PCNT: variants seen among roughly 807,000 people sequenced by gnomAD.
PCNT encodes the protein pericentrin, also known as kendrin.
A neutral mutation model predicts 380.4 loss-of-function variants in PCNT; 319 were observed. The observed-to-expected ratio is 0.84, with a 90% CI of 0.77 to 0.92. The LOEUF is 0.92. Ranked by LOEUF, PCNT falls within the 40% of genes least tolerant of loss-of-function variation. The probability of loss-of-function intolerance (pLI) is 0.00; values close to 1 mark genes in which losing one functional copy is unlikely to be tolerated. For synonymous variants in PCNT, 1,845 were observed against 1,735.2 expected (o/e 1.06, Z -1.57); for missense variants, 4,400 against 4,255.3 (o/e 1.03, Z -0.95).
chr21:46,377,929 C>T (rs1465166281), intron 15 of PCNT, among the ~76,000 whole-genome samples: 1 of 151,904 alleles, frequency 6.6e-6, no homozygotes, highest in Admixed American at 6.6e-5. Context: ...GTGCCGTCTG[C>T]TTGCCGTACC....
intron 33 of PCNT, among the ~76,000 whole-genome samples, chr21:46,426,870 G>A (rs951071564): frequency 6.6e-6 from 1 of 152,194 alleles, no homozygotes; most frequent in African/African-American, 2.4e-5. Context: ...TGGGATCAAA[G>A]CTTTGTGAGG....
intron 13 of PCNT, among the ~76,000 whole-genome samples, chr21:46,357,777 C>T (rs966332238): frequency 3.3e-5 from 5 of 152,206 alleles, no homozygotes; most frequent in Non-Finnish European, 7.4e-5. Flanking sequence ...CCTAAGAGGG[C>T]TCTGGGAGGA....
intron 13 of PCNT, among the ~76,000 whole-genome samples, chr21:46,360,189 T>G (rs1364415266): frequency 6.6e-6 from 1 of 150,526 alleles, no homozygotes; most frequent in African/African-American, 2.4e-5. Flanking sequence ...AAGTGCATTT[T>G]ATGTGGACAG....
intron 16 of PCNT, among the ~76,000 whole-genome samples, chr21:46,382,428 GTGT>G (rs1387338483): frequency 5.5e-5 from 8 of 145,130 alleles, no homozygotes; most frequent in African/African-American, 1.8e-4. Context: ...CGCATTCACG[GTGT>G]TGTATATTCA....
intron 3 of PCNT, among the ~76,000 whole-genome samples, chr21:46,345,569 CCTT>C (rs772463510): frequency 2.6e-5 from 4 of 152,064 alleles, no homozygotes; most frequent in South Asian, 2.1e-4. Flanking sequence ...TAATATTTTT[CCTT>C]CTTCTTTTTT....
At chr21:46,437,998 T>C (rs2053508701) in intron 40 of PCNT, among the ~76,000 whole-genome samples, 166 bp from the exon 41 acceptor site, 1 of 152,214 alleles carries the variant, frequency 6.6e-6, no homozygotes, top group African/African-American at 2.4e-5. Context: ...GCGTGCAAAG[T>C]CTGTGATTCA....
intron 15 of PCNT, among the ~76,000 whole-genome samples, chr21:46,376,959 G>A (rs2839234): frequency 0.12 from 18,520 of 152,148 alleles, 1,244 homozygotes; most frequent in South Asian, 0.21. Flanking sequence ...GTGTTGTGCC[G>A]TGCGAACCCG....
In PCNT at chr21:46,346,877, C is replaced by T; in HGVS notation, c.855C>T (p.Asn285=). 1 of 1,607,932 alleles carries T rather than the reference C, an allele frequency of 6.2e-7. No individual in the cohort carries two copies. Among genetic ancestry groups the T allele is most frequent in the Non-Finnish European group, 8.5e-7 (1 of 1,177,910 alleles). ...TGACGGAGCTGCGGGAGATGCTCAACAGCCGGCGTGCCCAGGAGCTGGCCC... is the reference window on the plus strand; with the variant it reads ...TGACGGAGCTGCGGGAGATGCTCAATAGCCGGCGTGCCCAGGAGCTGGCCC... ...TALTELREML[N]SRRAQELALL... is the part of the protein sequence containing the mutation. Residue 285 remains asparagine, a synonymous_variant, in exon 5 of 47, where the codon AAC becomes AAT. Transcript: ENST00000359568.
intron 15 of PCNT, among the ~76,000 whole-genome samples, chr21:46,370,907 C>T (rs905416033): frequency 1.3e-5 from 2 of 152,008 alleles, no homozygotes; most frequent in Non-Finnish European, 2.9e-5. Flanking sequence ...TGGTGGTGGG[C>T]GCCTGTAGTC....
intron 19 of PCNT, 33 bp from the exon 20 acceptor site, chr21:46,390,637 C>G: frequency 4.3e-6 from 7 of 1,610,926 alleles, no homozygotes; most frequent in Non-Finnish European, 5.9e-6. Context: ...TATTTTTGAT[C>G]TGGAGTTTTG....
At chr21:46,399,903 G>A in intron 25 of PCNT, 107 bp downstream of exon 25, 2 of 919,802 alleles carry the variant, frequency 2.2e-6, no homozygotes, top group Non-Finnish European at 3.6e-6. Flanking sequence ...TTCACTGGCA[G>A]CCACCACGTC....
intron 16 of PCNT, 142 bp downstream of exon 16, chr21:46,381,982 C>T (rs1186677167): frequency 1.6e-5 from 13 of 838,210 alleles, no homozygotes; most frequent in African/African-American, 5.2e-5. Flanking sequence ...GTGGCGGAAG[C>T]GCATTCACAG....
chr21:46,340,588 A>G (rs2083885367), intron 3 of PCNT, among the ~76,000 whole-genome samples: 1 of 152,160 alleles, frequency 6.6e-6, no homozygotes, highest in Non-Finnish European at 1.5e-5. Context: ...AGATATTTTC[A>G]AACTTATTTT....
rs1426784917 is a variant in PCNT at position 46,397,311 on chromosome 21, C to T, written c.4263C>T (p.Thr1421=). ...ATCTGACCAAAGAACAGTCGGAGACCAGGAAGCAGGCTGAGAAGGACCGCT... is the reference window on the plus strand; with the variant it reads ...ATCTGACCAAAGAACAGTCGGAGACTAGGAAGCAGGCTGAGAAGGACCGCT... ...VEDLTKEQSE[T]RKQAEKDRSA... The change falls in exon 22 of 47, where the codon ACC becomes ACT. Residue 1421 remains threonine, a synonymous_variant. Coordinates refer to ENST00000359568, the MANE Select transcript of PCNT (RefSeq NM_006031.6). 6 of 1,613,958 alleles carry T rather than the reference C, an allele frequency of 3.7e-6. No individual in the cohort carries two copies. In the African/African-American group the frequency reaches 5.3e-5, roughly 14 times the overall value.
intron 6 of PCNT, among the ~76,000 whole-genome samples, chr21:46,347,873 G>A (rs2084125225): frequency 6.6e-6 from 1 of 152,186 alleles, no homozygotes; most frequent in Non-Finnish European, 1.5e-5. Context: ...GGGGTGCCGG[G>A]GAGAATACCA....
intron 28 of PCNT, 34 bp from the exon 29 acceptor site, chr21:46,412,803 G>T: frequency 6.2e-7 from 1 of 1,606,134 alleles, no homozygotes; most frequent in Non-Finnish European, 8.5e-7. Context: ...ACAGCCTCCT[G>T]CATGCTCAGC....
At chr21:46,384,640 G>C (rs954395001) in intron 16 of PCNT, among the ~76,000 whole-genome samples, 1 of 146,332 alleles carries the variant, frequency 6.8e-6, no homozygotes, top group Admixed American at 6.9e-5. Flanking sequence ...TGTGCATTCA[G>C]GGGCGGAAGT....
At chr21:46,412,676 T>A (rs1470037850) in intron 28 of PCNT, among the ~76,000 whole-genome samples, 161 bp from the exon 29 acceptor site, 2 of 152,228 alleles carry the variant, frequency 1.3e-5, no homozygotes, top group Non-Finnish European at 2.9e-5. Flanking sequence ...CGTTCCCATG[T>A]GGCCTGCTGT....
intron 13 of PCNT, among the ~76,000 whole-genome samples, chr21:46,360,895 A>C (rs2084691281): frequency 1.3e-5 from 2 of 152,090 alleles, no homozygotes; most frequent in Admixed American, 6.5e-5. Context: ...GTTTAAGGTA[A>C]TTACTGGTGT....
Sources: allele counts gnomAD v4.1 joint callset (sites outside exome capture counted in the v4.1 genomes callset), GRCh38; gene constraint gnomAD v4.1.1; transcripts MANE v1.5; gene names NCBI Gene and HGNC (gene_info 2026-07-23, HGNC 2026-07-21).